FAM240C: variants seen among roughly 807,000 people sequenced by gnomAD.
FAM240C encodes family with sequence similarity 240 member C.
A neutral mutation model predicts 10.0 loss-of-function variants in FAM240C; 14 were observed. That is an observed-to-expected ratio of 1.40 (90% CI 0.92 to 2.19). FAM240C has a LOEUF of 2.19. Among genes scored for constraint, FAM240C ranks in the 30% most tolerant of loss-of-function variants. The pLI is 0.00. For missense variants in FAM240C, 154 were observed against 122.3 expected (o/e 1.26, Z -1.22); for synonymous variants, 49 against 44.3 (o/e 1.11, Z -0.42).
At chr2:241,896,721 TGTGTGTTG>T (rs1701826846) in intron 2 of FAM240C, among the ~76,000 whole-genome samples, 2 of 16,310 alleles carry the variant, frequency 1.2e-4, no homozygotes, top group South Asian at 5.8e-3. Context: ...GTTGGGGGTG[TGTGTGTTG>T]GGGTGTGGGT....
chr2:241,896,712 T>A (rs1484187766), intron 2 of FAM240C, among the ~76,000 whole-genome samples: 5 of 1,066 alleles, frequency 4.7e-3, no homozygotes, highest in Non-Finnish European at 7.8e-3. Flanking sequence ...GGTGTGGGTG[T>A]TGGGGGTGTG....
At chr2:241,897,160 C>T (rs747397238) in intron 2 of FAM240C, 26 bp downstream of exon 2, 4 of 1,548,006 alleles carry the variant, frequency 2.6e-6, no homozygotes, top group Admixed American at 3.9e-5. Flanking sequence ...ATAGGGGTCC[C>T]CGATGCACTG....
Position 241,897,343 on chromosome 2 carries a change from T to C in FAM240C, c.13-9A>G, listed in dbSNP as rs1701875776. The C allele has an allele frequency of 6.5e-7, 1 of 1,548,804 alleles. No homozygotes were observed. Among genetic ancestry groups the C allele is most frequent in the Non-Finnish European group, 8.7e-7 (1 of 1,145,988 alleles). On this transcript the variant is annotated splice_polypyrimidine_tract_variant and intron_variant, in intron 1 of 2. Transcript: ENST00000404031. ...AGGCTTTTACTCATGTTCTGGAAAA[T>C]AAAAAGTGGAGAAGAGCTCAGTCAC...
At chr2:241,899,145 T>A (rs1488475255) in intron 1 of FAM240C, 2 of 1,304,226 alleles carry the variant, frequency 1.5e-6, no homozygotes, top group Admixed American at 4.6e-5. Context: ...AAGGGTGCCT[T>A]CTGGAGCTCG....
At position 241,900,304 on chromosome 2, in the gene FAM240C, G is replaced by A. The variant is rs1701953163; in HGVS notation, c.12+54C>T. The A allele has an allele frequency of 1.4e-6, 1 of 716,130 alleles. No homozygotes were observed. Among genetic ancestry groups the A allele is most frequent in the Non-Finnish European group, 2.6e-6 (1 of 384,166 alleles). The allele number at this position is 716,130 out of a possible 1,614,324, so 44.4% of individuals were successfully genotyped here. A position where few individuals can be genotyped will look rare whatever the true frequency, so the allele number is the denominator to read the frequency against. The stretch of plus-strand genomic sequence containing the variant: ...GTTCACCTTTTGGGGGCCCCCAAAT[G>A]CAGCGCCAATCTCTCAAGCAAGGAC... On this transcript the variant is annotated intron_variant, in intron 1 of 2. Coordinates refer to ENST00000404031, the MANE Select transcript of FAM240C (RefSeq NM_001382368.1). The surrounding 1 kb of genome is among the most constrained non-coding windows in gnomAD (Gnocchi z 4.5).
At position 241,894,580 on chromosome 2, in the gene FAM240C, G is replaced by C. The variant is rs1036479836; in HGVS notation, c.162-241C>G. Among the ~76,000 whole-genome samples, 116 of 146,670 alleles carry C rather than the reference G, an allele frequency of 7.9e-4. 8 individuals are homozygous for C. The highest frequency in any genetic ancestry group is 2.7e-3 in the African/African-American group (107 of 40,206). Reference sequence around the variant, plus strand: ...CTGCTGACCAGTGGTTGGTGGGGGGGGGGGGGGGCGTCTCACTCAGGACCC... The same window carrying C: ...CTGCTGACCAGTGGTTGGTGGGGGGCGGGGGGGGCGTCTCACTCAGGACCC... On this transcript the variant is annotated intron_variant, in intron 2 of 2. Coordinates refer to ENST00000404031, the MANE Select transcript of FAM240C (RefSeq NM_001382368.1).
intron 2 of FAM240C, among the ~76,000 whole-genome samples, chr2:241,896,503 G>GTT (rs1237730739): frequency 0.21 from 5,979 of 28,220 alleles, 537 homozygotes; most frequent in Non-Finnish European, 0.28. Context: ...TGTGGGTGAA[G>GTT]GGGGTGTGGG....
At chr2:241,898,049 C>A (rs1042404476) in intron 1 of FAM240C, among the ~76,000 whole-genome samples, 4 of 152,160 alleles carry the variant, frequency 2.6e-5, no homozygotes, top group African/African-American at 9.7e-5. Context: ...TGGCCTCTCT[C>A]GACACCTGGT....
chr2:241,901,849 C>T (rs956500444), upstream of FAM240C, among the ~76,000 whole-genome samples: 18 of 152,154 alleles, frequency 1.2e-4, no homozygotes, highest in Non-Finnish European at 2.2e-4. The surrounding 1 kb of genome is among the most constrained non-coding windows in gnomAD (Gnocchi z 4.9). Context: ...GCGAGCGCCC[C>T]GGGGATTCCC....
intron 1 of FAM240C, chr2:241,899,382 A>C (rs2124927085): frequency 1.0e-6 from 1 of 977,114 alleles, no homozygotes; most frequent in South Asian, 4.7e-5. Context: ...TTGATCATGA[A>C]GGGACTGAAC....
chr2:241,899,502 C>T (rs1701932790), intron 1 of FAM240C, among the ~76,000 whole-genome samples: 1 of 152,252 alleles, frequency 6.6e-6, no homozygotes, highest in Non-Finnish European at 1.5e-5. Flanking sequence ...CCGGGCCCAG[C>T]TGCTTCCCCG....
At chr2:241,900,715 G>A (rs1190495891), upstream of FAM240C, among the ~76,000 whole-genome samples, 1 of 148,184 alleles carries the variant, frequency 6.7e-6, no homozygotes, top group Non-Finnish European at 1.5e-5. The surrounding 1 kb of genome is among the most constrained non-coding windows in gnomAD (Gnocchi z 4.5). Flanking sequence ...GAGGGGCGTC[G>A]GGGCACCTAG....
intron 2 of FAM240C, among the ~76,000 whole-genome samples, chr2:241,895,711 G>A (rs115343405): frequency 2.5e-3 from 379 of 152,294 alleles, no homozygotes; most frequent in African/African-American, 8.8e-3. Context: ...GCCAGCCCCT[G>A]AGAGAACGCT....
upstream of FAM240C, among the ~76,000 whole-genome samples, chr2:241,900,957 A>G (rs75761041): frequency 9.2e-3 from 1,407 of 152,162 alleles, 17 homozygotes; most frequent in African/African-American, 0.03. This position sits in a 1 kb window ranked among gnomAD's most constrained non-coding sequence, Gnocchi z 4.5. Context: ...GACCCAGGAA[A>G]GCCTGCGGTG....
rs545339309 is a variant in FAM240C, at chr2:241,894,246, C to T, written c.255G>A (p.Glu85=). 1.5e-5 allele frequency: 24 copies of T among 1,550,092 alleles called. No individual in the cohort carries two copies. In the African/African-American group the frequency reaches 3.3e-4, roughly 21 times the overall value. ...CCTTCTTGTCCTTGGTGTGGAGGGA[C>T]TCAGTGGCCTCCGGGACCCTGTCTG... The part of the protein sequence containing the change: ...RCPDRVPEAT[E]SLHTKDKKAA The change falls in exon 3 of 3, where the codon GAG becomes GAA. Residue 85 remains glutamate (E), a synonymous_variant. Coordinates refer to ENST00000404031, the MANE Select transcript of FAM240C (RefSeq NM_001382368.1).
chr2:241,898,492 C>A (rs1215445492), intron 1 of FAM240C, among the ~76,000 whole-genome samples: 2 of 152,204 alleles, frequency 1.3e-5, no homozygotes, highest in African/African-American at 2.4e-5. Flanking sequence ...GTGGAGGTTG[C>A]AGTGAGATGA....
chr2:241,900,341 C>A lies in FAM240C; in HGVS notation c.12+17G>T, dbSNP rs764706746. ...TCTCAAGCAAGGACAGCGCCTGTCA[C>A]ATCACAGAGAGCTTACTTTTCCAAC... On this transcript the variant is annotated intron_variant, in intron 1 of 2. Coordinates refer to ENST00000404031, the MANE Select transcript of FAM240C (RefSeq NM_001382368.1). The surrounding 1 kb of genome is among the most constrained non-coding windows in gnomAD (Gnocchi z 4.5). The A allele has an allele frequency of 1.4e-5, 10 of 717,344 alleles. 1 individual carries two copies. The South Asian group carries it at 1.5e-4, about 11-fold the overall frequency. The allele number at this position is 717,344 out of a possible 1,614,324, so 44.4% of individuals were successfully genotyped here. A position where few individuals can be genotyped will look rare whatever the true frequency, so the allele number is the denominator to read the frequency against.
At chr2:241,896,601 AGGGGTGTGGGTGT>A (rs1701818396) in intron 2 of FAM240C, among the ~76,000 whole-genome samples, 2 of 3,102 alleles carry the variant, frequency 6.4e-4, no homozygotes, top group African/African-American at 2.4e-3. Flanking sequence ...GTGTGGGTGA[AGGGGTGTGGGTGT>A]GGGGGTGTGG....
At position 241,897,331 on chromosome 2, in the gene FAM240C, T is replaced by C. The variant is rs928958261; in HGVS notation, c.16A>G (p.Met6Val). Residue 6 changes from methionine to valine, a missense_variant, in exon 2 of 3, where the codon ATG (methionine) becomes GTG (valine). Physicochemically the swap from Met to Val is conservative, Grantham distance 21. Transcript: ENST00000404031. ...TTCTTAAGAGTGAGGCTTTTACTCA[T>C]GTTCTGGAAAATAAAAAGTGGAGAA... MVGKN[M>V]SKSLTLKNPG... 3.2e-5 allele frequency: 49 copies of C among 1,549,222 alleles called. No individual in the cohort carries two copies. The highest frequency in any genetic ancestry group is 1.7e-4 in the Middle Eastern group (1 of 6,006).
Sources: gnomAD v4.1 joint callset for allele counts (sites outside exome capture counted in the v4.1 genomes callset) on GRCh38, gnomAD v4.1.1 for gene constraint, Gnocchi (gnomAD v3.1) non-coding constraint, MANE v1.5 for transcripts, NCBI Gene and HGNC (gene_info 2026-07-23, HGNC 2026-07-21) for gene names.